Variants in PPP1CB observed in about 807,000 individuals in gnomAD.
PPP1CB encodes serine/threonine-protein phosphatase PP1-beta catalytic subunit.
PPP1CB carries 2 observed loss-of-function variants against 43.7 expected under a neutral mutation model. The observed-to-expected ratio is 0.05, with a 90% CI of 0.02 to 0.14. The LOEUF (loss-of-function observed/expected upper bound fraction) is 0.14. Ranked by LOEUF, PPP1CB falls within the 10% of genes least tolerant of loss-of-function variation. The probability of loss-of-function intolerance (pLI) is 1.00; values close to 1 mark genes in which losing one functional copy is unlikely to be tolerated. For synonymous variants in PPP1CB, 136 were observed against 135.6 expected, an observed-to-expected ratio of 1.00 and a Z score of -0.02; for missense variants, 84 against 398.0, an observed-to-expected ratio of 0.21 and a Z score of 6.71.
intron 1 of PPP1CB, among the ~76,000 whole-genome samples, chr2:28,760,747 C>T (rs1474941287): frequency 6.6e-6 from 1 of 152,164 alleles, no homozygotes; most frequent in Non-Finnish European, 1.5e-5. Flanking sequence ...AATGTCATAT[C>T]TAGCAGTTGT....
In PPP1CB at chr2:28,800,954, C is replaced by T. The variant is rs1173712652; in HGVS notation, c.*1651C>T. The T allele has an allele frequency of 1.3e-5, 2 of 152,460 alleles. No homozygotes were observed. The highest frequency in any genetic ancestry group is 2.9e-5 in the Non-Finnish European group (2 of 67,938). 9.4% of individuals were successfully genotyped at this position (152,460 alleles called of 1,614,324 possible). A position where few individuals can be genotyped will look rare whatever the true frequency, so the allele number is the denominator to read the frequency against. ...CACAGTGCAAAAGTTCTTTAAAATGCATATGTCTTTTTTTCTAATTCCGTT... is the reference window on the plus strand; with the variant it reads ...CACAGTGCAAAAGTTCTTTAAAATGTATATGTCTTTTTTTCTAATTCCGTT... On this transcript the variant is annotated 3_prime_UTR_variant, in exon 8 of 8. Transcript: ENST00000395366.
At chr2:28,784,017 G>A (rs752799546) in intron 5 of PPP1CB, 39 bp downstream of exon 5, 2 of 1,471,522 alleles carry the variant, frequency 1.4e-6, no homozygotes, top group Admixed American at 1.7e-5. Flanking sequence ...TGTGTAAAGT[G>A]TTTTCATATT....
intron 5 of PPP1CB, among the ~76,000 whole-genome samples, chr2:28,787,948 C>A (rs1667306856): frequency 6.6e-6 from 1 of 152,014 alleles, no homozygotes; most frequent in South Asian, 2.1e-4. Context: ...CCAAACATTA[C>A]CAAAGTCAAG....
intron 6 of PPP1CB, among the ~76,000 whole-genome samples, chr2:28,789,708 T>C (rs13016112): frequency 0.58 from 86,286 of 149,332 alleles, 25,497 homozygotes; most frequent in African/African-American, 0.65. Context: ...AAGCGATTCT[T>C]CTGCCTCAGC....
At chr2:28,759,520 CAAAAAAA>C (rs559532367) in intron 1 of PPP1CB, among the ~76,000 whole-genome samples, 5 of 100,822 alleles carry the variant, frequency 5.0e-5, no homozygotes, top group Admixed American at 1.2e-4. Flanking sequence ...ACTGCATCTC[CAAAAAAA>C]AAAAAAAAAA....
chr2:28,780,283 G>A (rs573403666), intron 3 of PPP1CB, among the ~76,000 whole-genome samples: 1 of 151,982 alleles, frequency 6.6e-6, no homozygotes, highest in African/African-American at 2.4e-5. Context: ...TAGAGATGGG[G>A]TTTCTCTGTG....
chr2:28,772,113 T>C (rs1666927356), intron 1 of PPP1CB, among the ~76,000 whole-genome samples: 1 of 152,040 alleles, frequency 6.6e-6, no homozygotes, highest in African/African-American at 2.4e-5. Context: ...GGTTAGGAGT[T>C]CGAGATGAGC....
At chr2:28,785,143 C>CGA (rs1477443088) in intron 5 of PPP1CB, among the ~76,000 whole-genome samples, 12 of 133,370 alleles carry the variant, frequency 9.0e-5, no homozygotes, top group African/African-American at 3.1e-4. Context: ...GGTGCAACCT[C>CGA]GGCTCACTGC....
chr2:28,790,690 A>G (rs2148058100), intron 6 of PPP1CB, among the ~76,000 whole-genome samples: 1 of 152,238 alleles, frequency 6.6e-6, no homozygotes, highest in East Asian at 1.9e-4. Flanking sequence ...ATGTAAGAAG[A>G]ATGTCTGTGT....
rs573597104 is a variant in PPP1CB, at chr2:28,779,367, G to T, written c.415+328G>T. 3.5e-3 allele frequency among the ~76,000 whole-genome samples: 533 copies of T among 152,192 alleles called. 3 individuals are homozygous for T. Among genetic ancestry groups the T allele is most frequent in the African/African-American group, 0.012 (490 of 41,524 alleles). ...AGTGTCCATTAAGGTTTTAACTCTC[G>T]GCATTCTTGTGGTATGACAGCTTTT... On this transcript the variant is annotated intron_variant, in intron 3 of 7. Coordinates refer to ENST00000395366, the MANE Select transcript of PPP1CB (RefSeq NM_002709.3).
At chr2:28,768,586 G>T (rs1319784986) in intron 1 of PPP1CB, among the ~76,000 whole-genome samples, 2 of 152,152 alleles carry the variant, frequency 1.3e-5, no homozygotes, top group Non-Finnish European at 2.9e-5. Context: ...TTCCACTGTG[G>T]CCCCATCATG....
chr2:28,755,292 G>A lies in PPP1CB; in HGVS notation c.52+3116G>A, dbSNP rs569031787. Among the ~76,000 whole-genome samples the A allele has an allele frequency of 8.6e-4, 131 of 152,106 alleles. 1 individual carries two copies. Among genetic ancestry groups the A allele is most frequent in the African/African-American group, 1.1e-3 (45 of 41,490 alleles). On this transcript the variant is annotated intron_variant, in intron 1 of 7. Transcript: ENST00000395366. ...CATCCTCAAGTGATCCACCCGCCTC[G>A]GCCTCCCAAAGTGCTGGGATTACAG...
intron 1 of PPP1CB, among the ~76,000 whole-genome samples, chr2:28,771,409 T>G (rs919736524): frequency 1.9e-5 from 2 of 106,198 alleles, no homozygotes; most frequent in African/African-American, 3.1e-5. Flanking sequence ...ACAAGCCAAT[T>G]TTAAAACATT....
At position 28,783,757 on chromosome 2, in the gene PPP1CB, G is replaced by GA. The variant is rs11449670; in HGVS notation, c.521-138dup. ...GGGTGACAGAGTAAGATTCTGTCTC[G>GA]AAAAAAAAAAAAGACGTTAAAAGGA... On this transcript the variant is annotated intron_variant, in intron 4 of 7. Transcript: ENST00000395366. 0.19 allele frequency: 86,549 copies of GA among 459,862 alleles called. 2,266 individuals carry two copies. The highest frequency in any genetic ancestry group is 0.28 in the African/African-American group (13,188 of 47,414). 28.5% of individuals were successfully genotyped at this position (459,862 alleles called of 1,614,324 possible). A position where few individuals can be genotyped will look rare whatever the true frequency, so the allele number is the denominator to read the frequency against.
At chr2:28,755,957 C>T (rs1666479549) in intron 1 of PPP1CB, among the ~76,000 whole-genome samples, 1 of 152,046 alleles carries the variant, frequency 6.6e-6, no homozygotes, top group Non-Finnish European at 1.5e-5. Context: ...TCAAGAAGTC[C>T]CCTGTAATTC....
chr2:28,791,711 T>C (rs753043093), intron 6 of PPP1CB, among the ~76,000 whole-genome samples: 18 of 152,204 alleles, frequency 1.2e-4, no homozygotes, highest in Non-Finnish European at 2.1e-4. Flanking sequence ...GCAGAATTGC[T>C]AAGTTTCCTA....
chr2:28,782,526 T>C (rs904051109), intron 4 of PPP1CB: 4 of 152,690 alleles, frequency 2.6e-5, no homozygotes, highest in African/African-American at 9.7e-5. Flanking sequence ...GAGGAAAGAC[T>C]GGGTACATGT....
rs1180824108 is a variant in PPP1CB, at chr2:28,768,907, A to G, written c.53-7944A>G. ...TAGACAGTGGAAAGGTCTATCATGT[A>G]TAATAGGAATCCCAGAAAGAGAGGA... On this transcript the variant is annotated intron_variant, in intron 1 of 7. Coordinates refer to ENST00000395366, the MANE Select transcript of PPP1CB (RefSeq NM_002709.3). 2.0e-5 allele frequency among the ~76,000 whole-genome samples: 3 copies of G among 152,206 alleles called. No homozygotes were observed. In the South Asian group the frequency reaches 6.2e-4, roughly 31 times the overall value.
intron 6 of PPP1CB, among the ~76,000 whole-genome samples, chr2:28,792,525 A>C (rs1667410305): frequency 6.6e-6 from 1 of 152,114 alleles, no homozygotes; most frequent in Admixed American, 6.6e-5. Flanking sequence ...CTGTCTCCAC[A>C]CAAGCACATA....
Sources: gnomAD v4.1 joint callset for allele counts (sites outside exome capture counted in the v4.1 genomes callset) on GRCh38, gnomAD v4.1.1 for gene constraint, MANE v1.5 for transcripts, NCBI Gene and HGNC (gene_info 2026-07-23, HGNC 2026-07-21) for gene names.